Variants in LYRM4 observed in about 807,000 individuals in gnomAD.
The protein encoded by LYRM4 is LYR motif-containing protein 4.
In LYRM4, 9 loss-of-function variants were observed where a neutral mutation model predicts 11.7. That is an observed-to-expected ratio of 0.77 (90% CI 0.46 to 1.34). The LOEUF (loss-of-function observed/expected upper bound fraction) is 1.34. LYRM4 is among the 40% of genes most tolerant of loss of function. LYRM4 has a pLI of 0.00. For missense variants in LYRM4, 133 were observed against 112.5 expected (o/e 1.18, Z -0.82); for synonymous variants, 42 against 40.4 (o/e 1.04, Z -0.15).
chr6:5,043,548 C>G, the LYRM4 span: 1 of 152,146 alleles, frequency 6.6e-6, no homozygotes, highest in Admixed American at 6.5e-5. Flanking sequence ...ATGTATTGAC[C>G]ATGTTTCTGG....
chr6:5,093,605 A>G, the LYRM4 span, among the ~76,000 whole-genome samples: 17 of 152,264 alleles, frequency 1.1e-4, no homozygotes, highest in Non-Finnish European at 2.1e-4. Flanking sequence ...CCACTTTACA[A>G]AAAAACTTTT....
chr6:5,101,968 C>CTTTTTTGTTTTTTTTTTTTTT (rs1762514365), downstream of LYRM4, among the ~76,000 whole-genome samples: 1 of 67,988 alleles, frequency 1.5e-5, no homozygotes, highest in Non-Finnish European at 3.0e-5. Context: ...CTAATGCTTT[C>CTTTTTTGTTTTTTTTTTTTTT]TTTTTTTTTT....
chr6:5,045,627 G>A, the LYRM4 span, among the ~76,000 whole-genome samples: 1 of 152,218 alleles, frequency 6.6e-6, no homozygotes, highest in African/African-American at 2.4e-5. Context: ...AGCTCTCTGA[G>A]ATTTTCAGTG....
chr6:5,257,959 C>A (rs750486747), intron 1 of LYRM4, among the ~76,000 whole-genome samples: 16 of 152,136 alleles, frequency 1.1e-4, no homozygotes, highest in African/African-American at 2.9e-4. Flanking sequence ...GGAGTGGAAG[C>A]TGTGGGATGA....
At chr6:5,073,639 T>A in the LYRM4 span, among the ~76,000 whole-genome samples, 1 of 150,916 alleles carries the variant, frequency 6.6e-6, no homozygotes. Context: ...TATAGGATTA[T>A]GCCAACAAGC....
At chr6:5,039,186 C>T in the LYRM4 span, among the ~76,000 whole-genome samples, 2 of 151,854 alleles carry the variant, frequency 1.3e-5, no homozygotes, top group East Asian at 3.9e-4. Context: ...ATAAGAGAAA[C>T]TGGTATGAAG....
At chr6:5,151,938 T>C (rs1758114523) in intron 2 of LYRM4, among the ~76,000 whole-genome samples, 1 of 152,154 alleles carries the variant, frequency 6.6e-6, no homozygotes, top group Non-Finnish European at 1.5e-5. Flanking sequence ...GTGCCCCCAT[T>C]TTGTCTCCCT....
At chr6:5,239,758 G>A (rs1763763134) in intron 1 of LYRM4, among the ~76,000 whole-genome samples, 1 of 152,134 alleles carries the variant, frequency 6.6e-6, no homozygotes, top group Non-Finnish European at 1.5e-5. Context: ...GGCTGTCAGG[G>A]TATCACTGAC....
At chr6:5,120,394 C>T (rs189232418) in intron 2 of LYRM4, among the ~76,000 whole-genome samples, 8 of 152,234 alleles carry the variant, frequency 5.3e-5, no homozygotes, top group Admixed American at 4.6e-4. Flanking sequence ...GGAGTTTGTT[C>T]CTTCTGGTGG....
At chr6:5,181,688 GCTCT>G (rs548235347) in intron 2 of LYRM4, among the ~76,000 whole-genome samples, 1 of 152,082 alleles carries the variant, frequency 6.6e-6, no homozygotes, top group Non-Finnish European at 1.5e-5. Flanking sequence ...TCCCTGCCGA[GCTCT>G]CTCTAAGAGA....
chr6:5,090,536 C>G, the LYRM4 span, among the ~76,000 whole-genome samples: 1 of 152,202 alleles, frequency 6.6e-6, no homozygotes, highest in African/African-American at 2.4e-5. The surrounding 1 kb of genome is among the most constrained non-coding windows in gnomAD (Gnocchi z 4.8). Flanking sequence ...GGCAGCCTTT[C>G]AGGAGCAACT....
chr6:5,032,009 G>A, the LYRM4 span: 1 of 152,102 alleles, frequency 6.6e-6, no homozygotes, highest in East Asian at 1.9e-4. Flanking sequence ...TACTTTCACA[G>A]GAAAAATATA....
chr6:5,084,308 G>A, the LYRM4 span, among the ~76,000 whole-genome samples: 1 of 152,314 alleles, frequency 6.6e-6, no homozygotes, highest in Non-Finnish European at 1.5e-5. Flanking sequence ...CCCCTCCCCG[G>A]CCTCAGGTTC....
At chr6:5,220,364 C>T (rs186795804) in intron 1 of LYRM4, among the ~76,000 whole-genome samples, 1 of 152,314 alleles carries the variant, frequency 6.6e-6, no homozygotes, top group African/African-American at 2.4e-5. Flanking sequence ...CCTTTCATTT[C>T]TGTCATCTTC....
intron 2 of LYRM4, among the ~76,000 whole-genome samples, chr6:5,201,773 G>A (rs1761407071): frequency 6.6e-6 from 1 of 152,148 alleles, no homozygotes; most frequent in Non-Finnish European, 1.5e-5. Flanking sequence ...CCAAGGCTAC[G>A]AAAGTATATC....
At chr6:5,109,534 T>G in intron 2 of LYRM4, 43 bp from the exon 3 acceptor site, 8 of 1,579,330 alleles carry the variant, frequency 5.1e-6, no homozygotes, top group Non-Finnish European at 7.0e-6. Flanking sequence ...CGTGGCCCTC[T>G]AGCCCCTGGG....
At chr6:5,090,862 AT>A in the LYRM4 span, among the ~76,000 whole-genome samples, 1 of 152,090 alleles carries the variant, frequency 6.6e-6, no homozygotes, top group African/African-American at 2.4e-5. This position sits in a 1 kb window ranked among gnomAD's most constrained non-coding sequence, Gnocchi z 4.8. Flanking sequence ...AAGATCTTTC[AT>A]TCCCCTACTC....
intron 2 of LYRM4, among the ~76,000 whole-genome samples, chr6:5,178,743 G>A (rs554569830): frequency 1.5e-5 from 2 of 137,526 alleles, no homozygotes; most frequent in South Asian, 2.4e-4. Flanking sequence ...AGGCGGAGGT[G>A]GCAGTGAGCT....
At chr6:5,049,618 C>G in the LYRM4 span, among the ~76,000 whole-genome samples, 1 of 152,008 alleles carries the variant, frequency 6.6e-6, no homozygotes, top group African/African-American at 2.4e-5. Flanking sequence ...ACATAGCCTC[C>G]TTGAGTGAGA....
Sources: allele counts gnomAD v4.1 joint callset (sites outside exome capture counted in the v4.1 genomes callset), GRCh38; gene constraint gnomAD v4.1.1; non-coding constraint Gnocchi (gnomAD v3.1); transcripts MANE v1.5; gene names NCBI Gene and HGNC (gene_info 2026-07-23, HGNC 2026-07-21).